Variants in EPHA3 observed in about 807,000 individuals in gnomAD.
The protein encoded by EPHA3 is EPH receptor A3.
A neutral mutation model predicts 107.1 loss-of-function variants in EPHA3; 42 were observed. The observed-to-expected ratio is 0.39, with a 90% CI of 0.31 to 0.51. The LOEUF is 0.51. Ranked by LOEUF, EPHA3 falls within the 20% of genes least tolerant of loss-of-function variation. The pLI, the probability that EPHA3 is intolerant of heterozygous loss-of-function variation, is 0.78. For synonymous variants in EPHA3, 461 were observed against 424.8 expected, an observed-to-expected ratio of 1.09 and a Z score of -1.05; for missense variants, 1,183 against 1,211.2, an observed-to-expected ratio of 0.98 and a Z score of 0.35.
chr3:89,294,750 T>C (rs1377980726), intron 3 of EPHA3, among the ~76,000 whole-genome samples: 1 of 152,210 alleles, frequency 6.6e-6, no homozygotes, highest in Non-Finnish European at 1.5e-5. Flanking sequence ...CACTGTTCTA[T>C]GTCCATGCCT....
chr3:89,219,166 A>AT lies in EPHA3; in HGVS notation c.814+8659dup, dbSNP rs879882393. On this transcript the variant is annotated intron_variant, in intron 3 of 16. Transcript: ENST00000336596. ...CATTTACCCATTTTTTCACAACAAC[A>AT]TTTTTTTTTTTTTCGAGATGGAGTT... 1.9e-3 allele frequency among the ~76,000 whole-genome samples: 269 copies of AT among 143,148 alleles called. 2 individuals are homozygous for AT. The East Asian group carries it at 0.019, about 10-fold the overall frequency. 93.9% of individuals were successfully genotyped at this position (143,148 alleles called of 152,430 possible). A position where few individuals can be genotyped will look rare whatever the true frequency, so the allele number is the denominator to read the frequency against.
At position 89,299,200 on chromosome 3, in the gene EPHA3, A is replaced by G. The variant is rs533090866; in HGVS notation, c.815-41716A>G. Among the ~76,000 whole-genome samples the G allele has an allele frequency of 2.6e-5, 4 of 152,226 alleles. No homozygotes were observed. The South Asian group carries it at 8.3e-4, about 32-fold the overall frequency. On this transcript the variant is annotated intron_variant, in intron 3 of 16. Coordinates refer to ENST00000336596, the MANE Select transcript of EPHA3 (RefSeq NM_005233.6). ...ATGGTGAATGCCACTTTGAACAAGA[A>G]TAATCAGGAGGAAGTGACAAGGAAG...
rs372905595 is a variant in EPHA3, at chr3:89,266,551, TTAAAG to T, written c.814+56036_814+56040del. Among the ~76,000 whole-genome samples, 52 of 152,258 alleles carry T rather than the reference TTAAAG, an allele frequency of 3.4e-4. No homozygotes were observed. In the East Asian group the frequency reaches 9.8e-3, roughly 29 times the overall value. ...TTTGACTAAAAGTCTTCTGATTTTT[TTAAAG>T]TAAATATTTATAAATTAACTCTCAA... On this transcript the variant is annotated intron_variant, in intron 3 of 16. Transcript: ENST00000336596.
intron 3 of EPHA3, among the ~76,000 whole-genome samples, chr3:89,319,341 G>T (rs1706986832): frequency 6.6e-6 from 1 of 151,880 alleles, no homozygotes; most frequent in Admixed American, 6.6e-5. Flanking sequence ...ATGTATGCAT[G>T]AAGTTTATTT....
intron 5 of EPHA3, among the ~76,000 whole-genome samples, chr3:89,373,522 A>G (rs1708346471): frequency 6.6e-6 from 1 of 151,868 alleles, no homozygotes; most frequent in Non-Finnish European, 1.5e-5. Context: ...GGGAACTTAG[A>G]GAGTCAGAAA....
chr3:89,250,211 C>T (rs1705128913), intron 3 of EPHA3, among the ~76,000 whole-genome samples: 1 of 152,328 alleles, frequency 6.6e-6, no homozygotes, highest in East Asian at 1.9e-4. Flanking sequence ...TTCTCCTTAT[C>T]AAATCAGCTT....
At chr3:89,458,385 C>T (rs1710142951) in intron 15 of EPHA3, among the ~76,000 whole-genome samples, 1 of 152,048 alleles carries the variant, frequency 6.6e-6, no homozygotes, top group Admixed American at 6.6e-5. Flanking sequence ...GAGGTTTAGA[C>T]TACTGCAGAA....
intron 2 of EPHA3, among the ~76,000 whole-genome samples, chr3:89,208,482 G>GAAAGAAAGAAAGAA (rs796550208): frequency 1.7e-4 from 21 of 127,114 alleles, no homozygotes; most frequent in Non-Finnish European, 2.5e-4. Flanking sequence ...AAGAAAGAAA[G>GAAAGAAAGAAAGAA]AGAAAAAGAA....
chr3:89,221,009 A>G (rs1704359736), intron 3 of EPHA3, among the ~76,000 whole-genome samples: 1 of 152,166 alleles, frequency 6.6e-6, no homozygotes, highest in Non-Finnish European at 1.5e-5. Flanking sequence ...AAATCAGGCA[A>G]TTGTCCAAGG....
intron 12 of EPHA3, among the ~76,000 whole-genome samples, chr3:89,430,144 A>G (rs1176092758): frequency 6.6e-6 from 1 of 152,210 alleles, no homozygotes; most frequent in African/African-American, 2.4e-5. Flanking sequence ...TATGTTCAAC[A>G]ATTTCATGAA....
At chr3:89,372,127 A>G (rs919486772) in intron 5 of EPHA3, among the ~76,000 whole-genome samples, 6 of 151,660 alleles carry the variant, frequency 4.0e-5, no homozygotes, top group Non-Finnish European at 7.4e-5. Flanking sequence ...TAAAATTGGC[A>G]TTGACATTTG....
chr3:89,241,785 A>C (rs1300456547), intron 3 of EPHA3, among the ~76,000 whole-genome samples: 1 of 152,176 alleles, frequency 6.6e-6, no homozygotes, highest in Admixed American at 6.5e-5. Flanking sequence ...AACACAACTA[A>C]ATTAAAATAC....
intron 15 of EPHA3, among the ~76,000 whole-genome samples, chr3:89,456,487 AT>A (rs1397211474): frequency 6.6e-6 from 1 of 152,134 alleles, no homozygotes; most frequent in Non-Finnish European, 1.5e-5. Flanking sequence ...AATTGTTTGA[AT>A]TTAAAAACGT....
chr3:89,187,829 G>A (rs903271382), intron 2 of EPHA3, among the ~76,000 whole-genome samples: 2 of 152,070 alleles, frequency 1.3e-5, no homozygotes, highest in African/African-American at 2.4e-5. Context: ...CAGAGGCTGC[G>A]CTGGGCTTGA....
chr3:89,124,828 C>T (rs1704058188), intron 1 of EPHA3, among the ~76,000 whole-genome samples: 1 of 151,880 alleles, frequency 6.6e-6, no homozygotes, highest in Non-Finnish European at 1.5e-5. Flanking sequence ...GAATAGAGTG[C>T]ACTAAAAATT....
At chr3:89,202,820 C>A (rs1706004762) in intron 2 of EPHA3, among the ~76,000 whole-genome samples, 1 of 152,068 alleles carries the variant, frequency 6.6e-6, no homozygotes, top group African/African-American at 2.4e-5. Context: ...TCCCCACACA[C>A]TGTTTGCATG....
intron 5 of EPHA3, among the ~76,000 whole-genome samples, chr3:89,345,422 G>T (rs1012857098): frequency 6.6e-6 from 1 of 151,080 alleles, no homozygotes; most frequent in Non-Finnish European, 1.5e-5. Flanking sequence ...TCACATGTGT[G>T]AAAATATTGC....
At chr3:89,415,493 A>ATATATATATATATAT (rs1559687639) in intron 10 of EPHA3, among the ~76,000 whole-genome samples, 6 of 93,416 alleles carry the variant, frequency 6.4e-5, no homozygotes, top group African/African-American at 1.8e-4. Flanking sequence ...TATATATATA[A>ATATATATATATATAT]GCTAATTCTC....
intron 11 of EPHA3, among the ~76,000 whole-genome samples, chr3:89,422,140 A>G (rs1709363654): frequency 6.6e-6 from 1 of 150,738 alleles, no homozygotes; most frequent in African/African-American, 2.4e-5. Context: ...GCACCCGGTA[A>G]CATCTGAGAG....
Sources: allele counts gnomAD v4.1 joint callset (sites outside exome capture counted in the v4.1 genomes callset), GRCh38; gene constraint gnomAD v4.1.1; transcripts MANE v1.5; gene names NCBI Gene and HGNC (gene_info 2026-07-23, HGNC 2026-07-21).